The following FBXO31 variants were observed in gnomAD, a reference collection of about 807,000 sequenced individuals.
The protein encoded by FBXO31 is F-box protein 31.
FBXO31 carries 24 observed loss-of-function variants against 54.4 expected under a neutral mutation model. The observed-to-expected ratio is 0.44, with a 90% CI of 0.32 to 0.62. The LOEUF (loss-of-function observed/expected upper bound fraction) is 0.62, where lower values mean the gene tolerates loss of function less well. FBXO31 is among the 20% of genes least tolerant of loss of function. The probability of loss-of-function intolerance (pLI) is 0.05; values close to 1 mark genes in which losing one functional copy is unlikely to be tolerated. For missense variants in FBXO31, 665 were observed against 787.1 expected, an observed-to-expected ratio of 0.84 and a Z score of 1.86; for synonymous variants, 388 against 335.6, an observed-to-expected ratio of 1.16 and a Z score of -1.71.
intron 2 of FBXO31, among the ~76,000 whole-genome samples, chr16:87,355,228 G>A (rs185798100): frequency 2.3e-3 from 354 of 152,292 alleles, no homozygotes; most frequent in Admixed American, 7.3e-3. Context: ...GGCCCACAGC[G>A]CAAGGTCCAA....
chr16:87,341,091 C>G (rs1466505204), intron 5 of FBXO31, among the ~76,000 whole-genome samples: 1 of 152,150 alleles, frequency 6.6e-6, no homozygotes, highest in Non-Finnish European at 1.5e-5. Context: ...TAAACTCCCC[C>G]CATCAAGATT....
chr16:87,369,050 A>G (rs1906485923), intron 1 of FBXO31, among the ~76,000 whole-genome samples: 2 of 152,080 alleles, frequency 1.3e-5, no homozygotes, highest in African/African-American at 4.8e-5. Context: ...CGGCCTCCCA[A>G]AGTGCTAGGA....
intron 2 of FBXO31, among the ~76,000 whole-genome samples, chr16:87,354,428 G>A (rs565933325): frequency 2.0e-5 from 3 of 151,348 alleles, no homozygotes; most frequent in Admixed American, 6.6e-5. Context: ...CCATAACCGC[G>A]CCAGTACTCC....
At chr16:87,368,305 CATG>C (rs898439456) in intron 1 of FBXO31, among the ~76,000 whole-genome samples, 4 of 152,314 alleles carry the variant, frequency 2.6e-5, no homozygotes, top group African/African-American at 9.6e-5. Context: ...ATATTTTCCA[CATG>C]ATGAAAAAAG....
chr16:87,334,641 G>A lies in FBXO31; in HGVS notation c.997-355C>T, dbSNP rs184945522. The stretch of plus-strand genomic sequence containing the variant: ...GAAGATGCGTCAGCCCCAAAACTCC[G>A]TGAGGAGTCCAGGAGCCAAAACTCT... On this transcript the variant is annotated intron_variant, in intron 7 of 8. Coordinates refer to ENST00000311635, the MANE Select transcript of FBXO31 (RefSeq NM_024735.5). 3.4e-3 allele frequency among the ~76,000 whole-genome samples: 518 copies of A among 152,372 alleles called. 4 individuals are homozygous for A. Among genetic ancestry groups the A allele is most frequent in the African/African-American group, 0.012 (507 of 41,576 alleles).
chr16:87,387,056 T>G (rs1244662905), upstream of FBXO31, among the ~76,000 whole-genome samples: 3 of 151,912 alleles, frequency 2.0e-5, 1 homozygote, highest in Admixed American at 1.3e-4. Context: ...CCCAACACTT[T>G]GGGAGGCTGA....
In FBXO31 at chr16:87,389,391, C is replaced by T. The variant is rs565721558; in HGVS notation, c.-177+346G>A. ...GTAACCCTGGCCCATTACTACACAACTGTCGATGCTACTTCCTCTGGCAAT... is the reference window on the plus strand; with the variant it reads ...GTAACCCTGGCCCATTACTACACAATTGTCGATGCTACTTCCTCTGGCAAT... On this transcript the variant is annotated intron_variant, in intron 1 of 8. Coordinates refer to the FBXO31 transcript ENST00000618298. Among the ~76,000 whole-genome samples, 40 of 152,328 alleles carry T rather than the reference C, an allele frequency of 2.6e-4. No individual in the cohort carries two copies. The Middle Eastern group carries it at 0.014, about 52-fold the overall frequency.
At position 87,373,441 on chromosome 16, in the gene FBXO31, G is replaced by A. The variant is rs543546547; in HGVS notation, c.340+9964C>T. ...CACTCCAGCCTGGGCGACAGAGCGA[G>A]ACGCTGTCTCAAAAAAAATAATTAT... On this transcript the variant is annotated intron_variant, in intron 1 of 8. Coordinates refer to ENST00000311635, the MANE Select transcript of FBXO31 (RefSeq NM_024735.5). Among the ~76,000 whole-genome samples, 3 of 152,100 alleles carry A rather than the reference G, an allele frequency of 2.0e-5. No individual in the cohort carries two copies. The East Asian group carries it at 5.8e-4, about 29-fold the overall frequency.
upstream of FBXO31, chr16:87,390,052 G>C (rs1052842232): frequency 3.3e-5 from 5 of 152,244 alleles, no homozygotes; most frequent in Admixed American, 1.3e-4. Context: ...AGGCCAAGGC[G>C]TGTGGATCAC....
chr16:87,391,424 C>T (rs1009632774), upstream of FBXO31, among the ~76,000 whole-genome samples: 7 of 152,198 alleles, frequency 4.6e-5, no homozygotes, highest in African/African-American at 1.7e-4. Flanking sequence ...CATTTGGAGT[C>T]CTCAAATATG....
intron 1 of FBXO31, among the ~76,000 whole-genome samples, chr16:87,374,172 G>A (rs1332276566): frequency 6.6e-6 from 1 of 151,812 alleles, no homozygotes; most frequent in Non-Finnish European, 1.5e-5. Flanking sequence ...AGCCTAGGAG[G>A]TCAAAGTTGC....
chr16:87,342,138 T>C (rs1457014646), intron 5 of FBXO31, among the ~76,000 whole-genome samples: 1 of 152,160 alleles, frequency 6.6e-6, no homozygotes, highest in Non-Finnish European at 1.5e-5. Flanking sequence ...CGCTCATAGC[T>C]CACTGCAGTC....
At position 87,335,055 on chromosome 16, in the gene FBXO31, C is replaced by T. The variant is rs1018114132; in HGVS notation, c.996+249G>A. Among the ~76,000 whole-genome samples the T allele has an allele frequency of 7.2e-5, 11 of 152,208 alleles. No individual in the cohort carries two copies. The East Asian group carries it at 1.3e-3, about 19-fold the overall frequency. ...GGCTGCCAGGGTGGCCGGGGCTGAG[C>T]GGTGCTGTGGGAAGGCCACCTTGGA... On this transcript the variant is annotated intron_variant, in intron 7 of 8. Transcript: ENST00000311635. The surrounding 1 kb of genome is among the most constrained non-coding windows in gnomAD (Gnocchi z 5.7).
At chr16:87,348,168 C>G (rs1477207448) in intron 2 of FBXO31, among the ~76,000 whole-genome samples, 1 of 152,170 alleles carries the variant, frequency 6.6e-6, no homozygotes, top group Non-Finnish European at 1.5e-5. Context: ...TCCACGACTC[C>G]CTGGCCAGGC....
chr16:87,349,624 T>A (rs988065008), intron 2 of FBXO31, among the ~76,000 whole-genome samples: 3 of 151,326 alleles, frequency 2.0e-5, no homozygotes, highest in African/African-American at 7.3e-5. Context: ...GGCAGGAGAA[T>A]CACTTGAACA....
chr16:87,360,202 T>C, intron 2 of FBXO31, 93 bp downstream of exon 2: 4 of 1,202,128 alleles, frequency 3.3e-6, no homozygotes, highest in Middle Eastern at 1.9e-4. Context: ...AACAAAAGTG[T>C]GGACTAAATC....
rs562735049 is a variant in FBXO31 at position 87,335,973 on chromosome 16, G to T, written c.842+182C>A. The stretch of plus-strand genomic sequence containing the variant: ...TGTTCCAAGTACCCACAGAAAGAGC[G>T]AACTATGCTCCAAGCACCCAGAGAG... On this transcript the variant is annotated intron_variant, in intron 6 of 8. Transcript: ENST00000311635. This position sits in a 1 kb window ranked among gnomAD's most constrained non-coding sequence, Gnocchi z 5.7. Among the ~76,000 whole-genome samples, 7 of 152,012 alleles carry T rather than the reference G, an allele frequency of 4.6e-5. No individual in the cohort carries two copies. The highest frequency in any genetic ancestry group is 1.0e-4 in the Non-Finnish European group (7 of 67,984).
chr16:87,373,649 C>G (rs926160145), intron 1 of FBXO31, among the ~76,000 whole-genome samples: 10 of 151,912 alleles, frequency 6.6e-5, no homozygotes, highest in Non-Finnish European at 2.9e-5. Context: ...CAGCCTCCCT[C>G]AGCCTCCGGA....
intron 2 of FBXO31, among the ~76,000 whole-genome samples, chr16:87,351,406 T>TGGG (rs1029000709): frequency 2.6e-5 from 4 of 151,588 alleles, no homozygotes; most frequent in African/African-American, 9.7e-5. Flanking sequence ...TGGGCTCTGG[T>TGGG]GGCGGGGGAA....
Sources: gnomAD v4.1 joint callset for allele counts (sites outside exome capture counted in the v4.1 genomes callset) on GRCh38, gnomAD v4.1.1 for gene constraint, Gnocchi (gnomAD v3.1) non-coding constraint, MANE v1.5 for transcripts, NCBI Gene and HGNC (gene_info 2026-07-23, HGNC 2026-07-21) for gene names.